Variants in SUPT6H observed in about 807,000 individuals in gnomAD.
SUPT6H encodes the protein SPT6 homolog, histone chaperone and transcription elongation factor, also known as transcription elongation factor SPT6.
SUPT6H carries 11 observed loss-of-function variants against 222.3 expected under a neutral mutation model. The observed-to-expected ratio is 0.05, with a 90% CI of 0.03 to 0.08. The LOEUF (loss-of-function observed/expected upper bound fraction) is 0.08, where lower values mean the gene tolerates loss of function less well. Among genes scored for constraint, SUPT6H ranks in the 10% least tolerant of loss-of-function variants. The pLI, the probability that SUPT6H is intolerant of heterozygous loss-of-function variation, is 1.00. For missense variants in SUPT6H, 1,422 were observed against 2,216.0 expected (o/e 0.64, Z 7.19); for synonymous variants, 762 against 801.2 (o/e 0.95, Z 0.83).
intron 1 of SUPT6H, among the ~76,000 whole-genome samples, chr17:28,670,748 G>A (rs1354303718): frequency 6.6e-6 from 1 of 152,112 alleles, no homozygotes; most frequent in Non-Finnish European, 1.5e-5. Flanking sequence ...TAGCCAGCAT[G>A]GTGGTGCATG....
At chr17:28,695,302 C>T (rs760214338) in intron 28 of SUPT6H, 50 bp from the exon 29 acceptor site, 10 of 1,562,948 alleles carry the variant, frequency 6.4e-6, no homozygotes, top group African/African-American at 1.3e-5. Flanking sequence ...AATAGGGCAT[C>T]GGGCTAGATC....
At chr17:28,696,087 C>G (rs2031895779) in intron 29 of SUPT6H, among the ~76,000 whole-genome samples, 1 of 152,058 alleles carries the variant, frequency 6.6e-6, no homozygotes. Flanking sequence ...AGGTGGATCA[C>G]TTGAGGTCAG....
chr17:28,689,447 C>T lies in SUPT6H; in HGVS notation c.3228C>T (p.Tyr1076=), dbSNP rs778141694. 3.1e-6 allele frequency: 5 copies of T among 1,614,148 alleles called. No homozygotes were observed. Among genetic ancestry groups the T allele is most frequent in the South Asian group, 2.2e-5 (2 of 91,080 alleles). Residue 1076 remains tyrosine, a synonymous_variant, in exon 25 of 37, where the codon TAC becomes TAT. Transcript: ENST00000314616. The stretch of plus-strand genomic sequence containing the variant: ...AGATGGCAGTGGATGCCCTGGAATA[C>T]GATGAATCAGCCGAGGATGCCAATC... ...ARKMAVDALE[Y]DESAEDANPA... is the part of the protein sequence containing the mutation.
intron 11 of SUPT6H, among the ~76,000 whole-genome samples, chr17:28,680,685 T>C (rs964628694): frequency 3.9e-5 from 6 of 152,022 alleles, no homozygotes; most frequent in African/African-American, 1.4e-4. Flanking sequence ...GGAGTCTCAC[T>C]CTGTCGCCCA....
At chr17:28,693,218 T>TG (rs1474939354) in intron 27 of SUPT6H, among the ~76,000 whole-genome samples, 2 of 151,886 alleles carry the variant, frequency 1.3e-5, no homozygotes, top group African/African-American at 4.8e-5. Flanking sequence ...CCCAGCACTT[T>TG]GGGAGGCCGA....
chr17:28,690,244 C>T lies in SUPT6H; in HGVS notation c.3490+15C>T. On this transcript the variant is annotated intron_variant, in intron 26 of 36. Coordinates refer to ENST00000314616, the MANE Select transcript of SUPT6H (RefSeq NM_003170.5). ...CTTCTACATTGGTAAATTCTGGGGT[C>T]ATTTTTTTATTGGGGGCAGGAGGTG... 6.2e-7 allele frequency: 1 copy of T among 1,612,214 alleles called. No homozygotes were observed. Among genetic ancestry groups the T allele is most frequent in the Non-Finnish European group, 8.5e-7 (1 of 1,179,130 alleles).
In SUPT6H at chr17:28,684,630, C is replaced by T; in HGVS notation, c.2274C>T (p.Tyr758=). Reference sequence around the variant, plus strand: ...ACAATTGGTTGAGAGTGGCACCCTACCGACCAGATCAGCAGGTGGAAGAAG... The same window carrying T: ...ACAATTGGTTGAGAGTGGCACCCTATCGACCAGATCAGCAGGTGGAAGAAG... The part of the protein sequence containing the change: ...KLYNWLRVAP[Y]RPDQQVEEDD... Residue 758 remains tyrosine, a synonymous_variant, in exon 18 of 37, where the codon TAC becomes TAT. Transcript: ENST00000314616. 6.2e-7 allele frequency: 1 copy of T among 1,614,176 alleles called. No homozygotes were observed. The highest frequency in any genetic ancestry group is 1.1e-5 in the South Asian group (1 of 91,074).
chr17:28,668,986 T>C lies in SUPT6H; in HGVS notation c.-31-4385T>C, dbSNP rs535402771. On this transcript the variant is annotated intron_variant, in intron 1 of 36. Coordinates refer to ENST00000314616, the MANE Select transcript of SUPT6H (RefSeq NM_003170.5). Reference sequence around the variant, plus strand: ...TACTATACCGCATCTCTTTAGGGTCTTTACAGTCACTCCTCAACTTTTTGG... The same window carrying C: ...TACTATACCGCATCTCTTTAGGGTCCTTACAGTCACTCCTCAACTTTTTGG... Among the ~76,000 whole-genome samples the C allele has an allele frequency of 2.0e-5, 3 of 152,308 alleles. No individual in the cohort carries two copies. In the South Asian group the frequency reaches 6.2e-4, roughly 32 times the overall value.
Position 28,684,952 on chromosome 17 carries a change from G to A in SUPT6H, c.2478G>A (p.Arg826=), listed in dbSNP as rs748619621. Residue 826 remains arginine, a synonymous_variant, in exon 19 of 37, where the codon CGG becomes CGA. Transcript: ENST00000314616. The part of the protein sequence containing the change: ...KRRTAWREEE[R]EKKAQDIETL... ...GAACTGCATGGAGAGAGGAAGAGCGGGAAAAGAAGGCAAGTGGCTAGGACG... is the reference window on the plus strand; with the variant it reads ...GAACTGCATGGAGAGAGGAAGAGCGAGAAAAGAAGGCAAGTGGCTAGGACG... 6.2e-7 allele frequency: 1 copy of A among 1,613,806 alleles called. No individual in the cohort carries two copies. Among genetic ancestry groups the A allele is most frequent in the South Asian group, 1.1e-5 (1 of 91,008 alleles).
chr17:28,663,676 A>G (rs2072108560), intron 1 of SUPT6H, among the ~76,000 whole-genome samples: 1 of 151,864 alleles, frequency 6.6e-6, no homozygotes, highest in African/African-American at 2.4e-5. Context: ...TCAGCATACA[A>G]ATTATGTTCT....
intron 2 of SUPT6H, among the ~76,000 whole-genome samples, chr17:28,674,047 C>T (rs928375140): frequency 6.6e-5 from 10 of 152,190 alleles, no homozygotes; most frequent in East Asian, 3.9e-4. Context: ...GCCAAAGTGA[C>T]GGGGAAGATC....
chr17:28,697,044 G>A lies in SUPT6H; in HGVS notation c.4171G>A (p.Ala1391Thr), dbSNP rs371421364. 2.5e-5 allele frequency: 40 copies of A among 1,613,968 alleles called. No homozygotes were observed. Among genetic ancestry groups the A allele is most frequent in the Non-Finnish European group, 3.4e-5 (40 of 1,180,018 alleles). Residue 1391 changes from alanine to threonine, a missense_variant, in exon 30 of 37, where the codon GCC (alanine) becomes ACC (threonine). Transcript: ENST00000314616. ...TGTGCGGGAGGAGGGCAAGGAAAAT[G>A]CCTTCAGCCTGGGAGCCACTCTGTG... ...VDVREEGKEN[A>T]FSLGATLWIN...
At chr17:28,667,820 A>G (rs1415283955) in intron 1 of SUPT6H, among the ~76,000 whole-genome samples, 1 of 151,290 alleles carries the variant, frequency 6.6e-6, no homozygotes, top group Non-Finnish European at 1.5e-5. Flanking sequence ...TAGATTGTGA[A>G]CTCCACCAAG....
intron 1 of SUPT6H, among the ~76,000 whole-genome samples, chr17:28,671,805 A>G (rs1376427278): frequency 1.3e-5 from 2 of 152,214 alleles, no homozygotes; most frequent in East Asian, 1.9e-4. Context: ...GTCATGTAAT[A>G]TTCTCAACTA....
chr17:28,664,499 C>T (rs1466488741), intron 1 of SUPT6H, among the ~76,000 whole-genome samples: 2 of 152,184 alleles, frequency 1.3e-5, no homozygotes, highest in African/African-American at 2.4e-5. Context: ...AACAAAACTC[C>T]GTCTCAAAAT....
chr17:28,673,454 A>G lies in SUPT6H; in HGVS notation c.53A>G (p.Asp18Gly). The change falls in exon 2 of 37, where the codon GAT (aspartate) becomes GGT (glycine). Residue 18 changes from aspartate to glycine, a missense_variant. Asp to Gly is a moderately conservative substitution (Grantham distance 94). This residue lies in a region of SUPT6H where 89 missense variants were observed against 118.9 expected (regional missense o/e 0.75). Coordinates refer to ENST00000314616, the MANE Select transcript of SUPT6H (RefSeq NM_003170.5). ...EAEESEEEYN[D>G]EGEVVPRVTK... ...GAGGAGTCAGAGGAAGAATACAATG[A>G]TGAAGGCGAGGTGGTACCCCGAGTC... 1 of 1,614,056 alleles carries G rather than the reference A, an allele frequency of 6.2e-7. No homozygotes were observed.
intron 20 of SUPT6H, 26 bp downstream of exon 20, chr17:28,686,441 G>C (rs761789586): frequency 7.5e-6 from 12 of 1,608,844 alleles, no homozygotes; most frequent in African/African-American, 5.3e-5. Flanking sequence ...ACCACACCTG[G>C]TTTAAGGCCG....
chr17:28,673,325 C>A, intron 1 of SUPT6H, 46 bp from the exon 2 acceptor site: 2 of 1,206,992 alleles, frequency 1.7e-6, no homozygotes, highest in Non-Finnish European at 2.4e-6. Context: ...GCCCTCTGTA[C>A]AATCATGTGT....
chr17:28,667,422 T>C (rs1035782699), intron 1 of SUPT6H, among the ~76,000 whole-genome samples: 2 of 131,708 alleles, frequency 1.5e-5, no homozygotes, highest in Admixed American at 7.9e-5. Flanking sequence ...TATATATATA[T>C]ATATATATAT....
Sources: allele counts gnomAD v4.1 joint callset (sites outside exome capture counted in the v4.1 genomes callset), GRCh38; gene constraint gnomAD v4.1.1; regional missense constraint gnomAD v4.1.1; transcripts MANE v1.5; gene names NCBI Gene and HGNC (gene_info 2026-07-23, HGNC 2026-07-21).